The following IPO9 variants were observed in gnomAD, a reference collection of about 807,000 sequenced individuals.
The protein encoded by IPO9 is importin-9.
A neutral mutation model predicts 128.6 loss-of-function variants in IPO9; 28 were observed. The ratio of observed to expected loss-of-function variants is 0.22; its 90% CI spans 0.16 to 0.30. The LOEUF (loss-of-function observed/expected upper bound fraction) is 0.30. Among genes scored for constraint, IPO9 ranks in the 10% least tolerant of loss-of-function variants. The pLI, the probability that IPO9 is intolerant of heterozygous loss-of-function variation, is 1.00. For synonymous variants in IPO9, 455 were observed against 475.8 expected, an observed-to-expected ratio of 0.96 and a Z score of 0.57; for missense variants, 935 against 1,293.9, an observed-to-expected ratio of 0.72 and a Z score of 4.26.
chr1:201,832,919 A>G (rs570731110), intron 1 of IPO9, among the ~76,000 whole-genome samples: 17 of 152,360 alleles, frequency 1.1e-4, no homozygotes, highest in African/African-American at 4.1e-4. Context: ...ACTCCCTGTT[A>G]AAAGGACAGG....
At chr1:201,872,730 A>G in intron 19 of IPO9, 98 bp from the exon 20 acceptor site, 2 of 1,353,518 alleles carry the variant, frequency 1.5e-6, no homozygotes, top group Non-Finnish European at 1.0e-6. Context: ...CGGAATTTTC[A>G]CTATCAAATA....
At chr1:201,845,473 A>T (rs868705925) in intron 1 of IPO9, among the ~76,000 whole-genome samples, 2 of 152,216 alleles carry the variant, frequency 1.3e-5, no homozygotes, top group Non-Finnish European at 2.9e-5. Flanking sequence ...TGATGAGCCT[A>T]TTGTGACCTA....
rs577061365 is a variant in IPO9 at position 201,848,327 on chromosome 1, T to C, written c.313-66T>C. On this transcript the variant is annotated intron_variant, in intron 3 of 23. Transcript: ENST00000361565. ...ATTGTTTTTCCAACACAGTTCCCAA[T>C]TGAACTGGGCTCTGCCAGTCACTTT... 8.0e-6 allele frequency: 11 copies of C among 1,377,152 alleles called. No individual in the cohort carries two copies. The East Asian group carries it at 1.6e-4, about 20-fold the overall frequency. 85.3% of individuals were successfully genotyped at this position (1,377,152 alleles called of 1,614,324 possible).
Position 201,870,950 on chromosome 1 carries a change from T to C in IPO9, c.2409+92T>C. On this transcript the variant is annotated intron_variant, in intron 18 of 23. Transcript: ENST00000361565. This position sits in a 1 kb window ranked among gnomAD's most constrained non-coding sequence, Gnocchi z 4.9. ...TCCTGAGTTATTTTATTTTACCCTCTTACTAGCCTTGTAGGACAGTTAAGT... is the reference window on the plus strand; with the variant it reads ...TCCTGAGTTATTTTATTTTACCCTCCTACTAGCCTTGTAGGACAGTTAAGT... 7.0e-7 allele frequency: 1 copy of C among 1,424,222 alleles called. No individual in the cohort carries two copies. 88.2% of individuals were successfully genotyped at this position (1,424,222 alleles called of 1,614,324 possible). A position where few individuals can be genotyped will look rare whatever the true frequency, so the allele number is the denominator to read the frequency against.
At chr1:201,837,862 G>A (rs188180047) in intron 1 of IPO9, among the ~76,000 whole-genome samples, 22 of 152,258 alleles carry the variant, frequency 1.4e-4, no homozygotes, top group Non-Finnish European at 3.1e-4. Flanking sequence ...CTTGAGGTTG[G>A]GAGTTTGAGA....
At position 201,876,729 on chromosome 1, in the gene IPO9, A is replaced by G. The variant is rs1680771243; in HGVS notation, c.*675A>G. 1 of 149,886 alleles carries G rather than the reference A, an allele frequency of 6.7e-6. No homozygotes were observed. Among genetic ancestry groups the G allele is most frequent in the Non-Finnish European group, 1.5e-5 (1 of 67,654 alleles). 9.3% of individuals were successfully genotyped at this position (149,886 alleles called of 1,614,324 possible). On this transcript the variant is annotated 3_prime_UTR_variant, in exon 24 of 24. Coordinates refer to ENST00000361565, the MANE Select transcript of IPO9 (RefSeq NM_018085.5). The stretch of plus-strand genomic sequence containing the variant: ...TGCACACACAAAATAAGCCAGACAG[A>G]TGGCAATTTGATCTTCCTTTTTTAG...
chr1:201,862,319 G>A (rs999545782), intron 13 of IPO9, among the ~76,000 whole-genome samples: 4 of 151,910 alleles, frequency 2.6e-5, no homozygotes, highest in African/African-American at 7.3e-5. Flanking sequence ...TTAGCCAGGC[G>A]TGGTGGTACG....
intron 14 of IPO9, 62 bp downstream of exon 14, chr1:201,863,669 C>A: frequency 7.1e-7 from 1 of 1,415,248 alleles, no homozygotes; most frequent in Non-Finnish European, 9.7e-7. Context: ...TATAACAAAT[C>A]ACAGTTTTCC....
intron 2 of IPO9, 40 bp from the exon 3 acceptor site, chr1:201,847,512 T>A (rs769829150): frequency 3.5e-5 from 26 of 748,350 alleles, no homozygotes; most frequent in Non-Finnish European, 4.4e-5. Context: ...GTGAAAAAAA[T>A]CTTTTTCTTG....
At position 201,857,201 on chromosome 1, in the gene IPO9, T is replaced by C; in HGVS notation, c.1221+7T>C. 6.5e-7 allele frequency: 1 copy of C among 1,543,910 alleles called. No individual in the cohort carries two copies. The highest frequency in any genetic ancestry group is 9.0e-7 in the Non-Finnish European group (1 of 1,116,460). ...AGCTCAAGACTTGTTGCTGGTAAGT[T>C]TACCTTGATACTTCAGCCACATAAT... On this transcript the variant is annotated splice_region_variant and intron_variant, in intron 11 of 23. Transcript: ENST00000361565.
rs1680916889 is a variant in IPO9 at position 201,882,952 on chromosome 1, G to A, written c.*6898G>A. 6.6e-6 allele frequency: 1 copy of A among 152,612 alleles called. No individual in the cohort carries two copies. The highest frequency in any genetic ancestry group is 1.9e-4 in the East Asian group (1 of 5,198). The allele number at this position is 152,612 out of a possible 1,614,324, so 9.5% of individuals were successfully genotyped here. On this transcript the variant is annotated 3_prime_UTR_variant, in exon 24 of 24. Transcript: ENST00000361565. ...TTCCTGACTCACTGGATTACACTGTGACTCAGTTCAATTTCACACATGCTG... is the reference window on the plus strand; with the variant it reads ...TTCCTGACTCACTGGATTACACTGTAACTCAGTTCAATTTCACACATGCTG...
intron 15 of IPO9, among the ~76,000 whole-genome samples, chr1:201,867,296 G>A (rs1415228972): frequency 2.0e-5 from 3 of 152,032 alleles, no homozygotes; most frequent in Non-Finnish European, 4.4e-5. Flanking sequence ...AAAGAAAAGG[G>A]CTAGGACTAT....
chr1:201,831,897 G>GTT (rs1195287567), intron 1 of IPO9, among the ~76,000 whole-genome samples: 3 of 151,824 alleles, frequency 2.0e-5, no homozygotes, highest in Non-Finnish European at 4.4e-5. Flanking sequence ...TGTTGTTGTT[G>GTT]TTGTTGTTGT....
At chr1:201,858,738 A>G (rs1680380122) in intron 12 of IPO9, 117 bp from the exon 13 acceptor site, 3 of 1,094,166 alleles carry the variant, frequency 2.7e-6, no homozygotes, top group Middle Eastern at 5.0e-4. Flanking sequence ...GCTTAAGGTA[A>G]ATGACTCTTT....
At chr1:201,861,160 T>C (rs1162982597) in intron 13 of IPO9, among the ~76,000 whole-genome samples, 1 of 152,128 alleles carries the variant, frequency 6.6e-6, no homozygotes, top group East Asian at 1.9e-4. Context: ...AGCGAGACTC[T>C]GTCTCAAAAA....
At chr1:201,835,369 A>G (rs1679903883) in intron 1 of IPO9, among the ~76,000 whole-genome samples, 1 of 152,214 alleles carries the variant, frequency 6.6e-6, no homozygotes, top group Admixed American at 6.5e-5. Flanking sequence ...GTGATAAGAG[A>G]GAAAGGGGAG....
At chr1:201,869,123 C>T (rs1377719969) in intron 16 of IPO9, among the ~76,000 whole-genome samples, 1 of 152,138 alleles carries the variant, frequency 6.6e-6, no homozygotes, top group Admixed American at 6.5e-5. Context: ...TGGTGGCAGG[C>T]ATCTGCAGTA....
Position 201,877,168 on chromosome 1 carries a change from A to ATC in IPO9, c.*1114_*1115insTC, listed in dbSNP as rs1167027036. On this transcript the variant is annotated 3_prime_UTR_variant, in exon 24 of 24. Coordinates refer to ENST00000361565, the MANE Select transcript of IPO9 (RefSeq NM_018085.5). ...GGGAGATTCCTTAATTGGGAAGTTT[A>ATC]GTCTGTTTGGGGTTCAAAGAGTAAA... 1.3e-5 allele frequency: 2 copies of ATC among 152,212 alleles called. No homozygotes were observed. Among genetic ancestry groups the ATC allele is most frequent in the Admixed American group, 1.3e-4 (2 of 15,268 alleles). 9.4% of individuals were successfully genotyped at this position (152,212 alleles called of 1,614,324 possible).
At chr1:201,831,365 A>G (rs1679829838) in intron 1 of IPO9, among the ~76,000 whole-genome samples, 1 of 152,142 alleles carries the variant, frequency 6.6e-6, no homozygotes, top group Admixed American at 6.5e-5. Flanking sequence ...AATAGAGCAT[A>G]TGACTCAGGT....
Sources: allele counts gnomAD v4.1 joint callset (sites outside exome capture counted in the v4.1 genomes callset), GRCh38; gene constraint gnomAD v4.1.1; non-coding constraint Gnocchi (gnomAD v3.1); transcripts MANE v1.5; gene names NCBI Gene and HGNC (gene_info 2026-07-23, HGNC 2026-07-21).